Variants in CSMD1 observed in about 807,000 individuals in gnomAD.
CSMD1 encodes the protein CUB and sushi domain-containing protein 1.
In CSMD1, 213 loss-of-function variants were observed where a neutral mutation model predicts 417.5. The observed-to-expected ratio is 0.51, with a 90% confidence interval of 0.46 to 0.57. CSMD1 has a LOEUF of 0.57. Among genes scored for constraint, CSMD1 ranks in the 20% least tolerant of loss-of-function variants. The pLI is 0.00. For synonymous variants in CSMD1, 2,862 were observed against 1,736.8 expected, an observed-to-expected ratio of 1.65 and a Z score of -16.11; for missense variants, 6,923 against 4,529.7, an observed-to-expected ratio of 1.53 and a Z score of -15.17.
chr8:4,820,427 G>A (rs987303228), intron 1 of CSMD1, among the ~76,000 whole-genome samples: 1 of 152,094 alleles, frequency 6.6e-6, no homozygotes, highest in Admixed American at 6.6e-5. Context: ...ACGAGAGCAA[G>A]ATTAAATAGT....
At position 4,549,839 on chromosome 8, in the gene CSMD1, A is replaced by G. The variant is rs180840584; in HGVS notation, c.302+87503T>C. 2.7e-4 allele frequency among the ~76,000 whole-genome samples: 39 copies of G among 143,076 alleles called. 1 individual carries two copies. The highest frequency in any genetic ancestry group is 7.4e-4 in the Admixed American group (10 of 13,560). 93.9% of individuals were successfully genotyped at this position (143,076 alleles called of 152,430 possible). A position where few individuals can be genotyped will look rare whatever the true frequency, so the allele number is the denominator to read the frequency against. On this transcript the variant is annotated intron_variant, in intron 2 of 69. Transcript: ENST00000635120. ...TTCAGCCCAGGAGGCAGAGGTTGCAATGAGCCAAGATCTTGCCACTGCACT... is the reference window on the plus strand; with the variant it reads ...TTCAGCCCAGGAGGCAGAGGTTGCAGTGAGCCAAGATCTTGCCACTGCACT...
In CSMD1 at chr8:3,246,539, T is replaced by C. The variant is rs572325400; in HGVS notation, c.4154-16308A>G. On this transcript the variant is annotated intron_variant, in intron 26 of 69. Coordinates refer to ENST00000635120, the MANE Select transcript of CSMD1 (RefSeq NM_033225.6). ...CAGGCTGGTGTGCAGTGACTCAGTC[T>C]GGGCTCACTGCAACCGCCACCTCCC... is the stretch of plus-strand genomic sequence containing the variant. Among the ~76,000 whole-genome samples, 10 of 152,316 alleles carry C rather than the reference T, an allele frequency of 6.6e-5. 1 individual carries two copies. The South Asian group carries it at 2.1e-3, about 32-fold the overall frequency.
chr8:3,472,975 T>A lies in CSMD1; in HGVS notation c.1449-4151A>T, dbSNP rs371028931. On this transcript the variant is annotated intron_variant, in intron 11 of 69. Coordinates refer to ENST00000635120, the MANE Select transcript of CSMD1 (RefSeq NM_033225.6). ...CAACCTCTCAGCTGAACACTGATTA[T>A]CTCACACCCACCCCACCAAAGTAGG... 4.6e-4 allele frequency among the ~76,000 whole-genome samples: 70 copies of A among 152,248 alleles called. 2 individuals carry two copies. The South Asian group carries it at 0.014, about 31-fold the overall frequency.
chr8:4,188,948 A>G (rs1798852545), intron 3 of CSMD1, among the ~76,000 whole-genome samples: 1 of 152,166 alleles, frequency 6.6e-6, no homozygotes, highest in Non-Finnish European at 1.5e-5. Context: ...TTACTCAGAT[A>G]TTAGAGCCCT....
chr8:3,704,812 ATC>A (rs1178913996), intron 7 of CSMD1: 1 of 152,206 alleles, frequency 6.6e-6, no homozygotes, highest in Non-Finnish European at 1.5e-5. Flanking sequence ...CCTTGTCATG[ATC>A]TCTCTCTTTT....
At chr8:3,980,304 T>G (rs1585070841) in intron 5 of CSMD1, among the ~76,000 whole-genome samples, 1 of 152,212 alleles carries the variant, frequency 6.6e-6, no homozygotes. Flanking sequence ...ATGCTATTCT[T>G]GTCACACTGT....
At chr8:4,992,888 G>A (rs1333773199) in intron 1 of CSMD1, among the ~76,000 whole-genome samples, 2 of 152,224 alleles carry the variant, frequency 1.3e-5, no homozygotes, top group Non-Finnish European at 2.9e-5. Flanking sequence ...AGATCTCGGG[G>A]CGCATTCCCG....
chr8:3,052,472 G>C lies in CSMD1; in HGVS notation c.7650C>G (p.Pro2550=), dbSNP rs1241990768. ...CCCCTGAACACTTACGCTTACACGT[G>C]GGCGGCTTCCCCTTGTTACTCCACA... ...DGLWSNKGKP[P]TCKPVACPSI... Residue 2550 remains proline, a synonymous_variant, in exon 50 of 70, where the codon CCC becomes CCG. Transcript: ENST00000635120. The C allele has an allele frequency of 6.3e-7, 1 of 1,577,124 alleles. No homozygotes were observed. Among genetic ancestry groups the C allele is most frequent in the African/African-American group, 1.3e-5 (1 of 74,208 alleles).
At chr8:4,638,279 A>T (rs1452042357) in intron 1 of CSMD1, among the ~76,000 whole-genome samples, 1 of 152,188 alleles carries the variant, frequency 6.6e-6, no homozygotes, top group East Asian at 1.9e-4. Flanking sequence ...ATAAAACTAT[A>T]TACATACACA....
intron 54 of CSMD1, among the ~76,000 whole-genome samples, chr8:2,983,548 T>C (rs1008310787): frequency 9.2e-5 from 14 of 152,174 alleles, no homozygotes; most frequent in African/African-American, 3.1e-4. Flanking sequence ...TAACGATAAT[T>C]ATAGATAAGG....
chr8:4,246,709 T>A (rs1435681187), intron 3 of CSMD1, among the ~76,000 whole-genome samples: 2 of 152,180 alleles, frequency 1.3e-5, no homozygotes, highest in East Asian at 3.9e-4. Context: ...CATTGTTTTT[T>A]AATTTATCAT....
intron 3 of CSMD1, among the ~76,000 whole-genome samples, chr8:4,323,651 G>A (rs1328311380): frequency 1.3e-5 from 2 of 152,104 alleles, no homozygotes; most frequent in African/African-American, 4.8e-5. Context: ...AAACAAATAA[G>A]GGGCAGTGGA....
chr8:3,619,775 G>C (rs958428858), intron 7 of CSMD1, among the ~76,000 whole-genome samples: 10 of 152,068 alleles, frequency 6.6e-5, no homozygotes, highest in African/African-American at 2.4e-4. Flanking sequence ...ACATTTCACA[G>C]GTTAGAAAGC....
intron 3 of CSMD1, among the ~76,000 whole-genome samples, chr8:4,388,762 C>T (rs560513280): frequency 6.6e-6 from 1 of 152,206 alleles, no homozygotes; most frequent in East Asian, 1.9e-4. Context: ...TAAAATAAAA[C>T]CTGTCTTTCT....
chr8:3,196,267 G>C (rs545533892), intron 33 of CSMD1, among the ~76,000 whole-genome samples: 2 of 152,274 alleles, frequency 1.3e-5, no homozygotes, highest in African/African-American at 4.8e-5. Flanking sequence ...AGAAATCCTA[G>C]TTAAAGGAAT....
At position 3,091,546 on chromosome 8, in the gene CSMD1, T is replaced by C. The variant is rs769933643; in HGVS notation, c.7255A>G (p.Ser2419Gly). The part of the protein sequence containing the change: ...YLRWSTDHAT[S>G]KKGFKIRYAA... ...TAGCGAATCTTGAATCCTTTCTTAC[T>C]GGTGGCATGGTCAGTGGACCAGCGG... is the stretch of plus-strand genomic sequence containing the variant. The change falls in exon 48 of 70, where the codon AGT (serine) becomes GGT (glycine). Residue 2419 changes from serine to glycine, a missense_variant. Transcript: ENST00000635120. 2.0e-5 allele frequency: 32 copies of C among 1,607,592 alleles called. No homozygotes were observed. The highest frequency in any genetic ancestry group is 2.7e-5 in the Non-Finnish European group (32 of 1,178,574).
intron 5 of CSMD1, among the ~76,000 whole-genome samples, chr8:3,804,034 T>A (rs1194703922): frequency 6.6e-6 from 1 of 152,106 alleles, no homozygotes; most frequent in Non-Finnish European, 1.5e-5. Context: ...TTCAAGCGAT[T>A]CTTCTTCCTC....
At chr8:4,386,215 C>G (rs373583384) in intron 3 of CSMD1, among the ~76,000 whole-genome samples, 2 of 152,118 alleles carry the variant, frequency 1.3e-5, no homozygotes, top group Non-Finnish European at 2.9e-5. Context: ...CTGGTTATGA[C>G]TTCCATCCAA....
intron 29 of CSMD1, 24 bp downstream of exon 29, chr8:3,219,231 C>G (rs769416230): frequency 8.3e-6 from 13 of 1,561,566 alleles, no homozygotes; most frequent in Non-Finnish European, 1.1e-5. Context: ...TTAATTCCCA[C>G]TCAAATTCAG....
Sources: gnomAD v4.1 joint callset for allele counts (sites outside exome capture counted in the v4.1 genomes callset) on GRCh38, gnomAD v4.1.1 for gene constraint, MANE v1.5 for transcripts, NCBI Gene and HGNC (gene_info 2026-07-23, HGNC 2026-07-21) for gene names.